DLGAP2: variants seen among roughly 807,000 people sequenced by gnomAD.
DLGAP2 encodes DLG associated protein 2, also known as disks large-associated protein 2.
Under a neutral mutation model 100.3 loss-of-function variants are expected in DLGAP2, and 26 were observed. The observed-to-expected ratio is 0.26, with a 90% CI of 0.19 to 0.36. The LOEUF (loss-of-function observed/expected upper bound fraction) is 0.36. Ranked by LOEUF, DLGAP2 falls within the 10% of genes least tolerant of loss-of-function variation. DLGAP2 has a pLI of 1.00. For synonymous variants in DLGAP2, 886 were observed against 630.1 expected, an observed-to-expected ratio of 1.41 and a Z score of -6.08; for missense variants, 1,858 against 1,453.2, an observed-to-expected ratio of 1.28 and a Z score of -4.53.
At chr8:1,538,596 A>C (rs988886777) in intron 4 of DLGAP2, among the ~76,000 whole-genome samples, 73 of 152,228 alleles carry the variant, frequency 4.8e-4, no homozygotes, top group African/African-American at 1.7e-3. Flanking sequence ...GGAGGGGCTT[A>C]TGTCTCCGTC....
chr8:960,622 C>T (rs1002740627), intron 2 of DLGAP2, among the ~76,000 whole-genome samples: 3 of 152,076 alleles, frequency 2.0e-5, no homozygotes, highest in South Asian at 2.1e-4. Flanking sequence ...ATACAAAGAC[C>T]GTTAATTGAA....
intron 3 of DLGAP2, among the ~76,000 whole-genome samples, chr8:1,414,457 G>A (rs996819769): frequency 5.9e-5 from 9 of 152,346 alleles, no homozygotes; most frequent in African/African-American, 2.2e-4. Flanking sequence ...GAGGCATGGG[G>A]ACATGAGGGA....
At chr8:947,943 C>A (rs1301919335) in intron 2 of DLGAP2, among the ~76,000 whole-genome samples, 1 of 131,596 alleles carries the variant, frequency 7.6e-6, no homozygotes, top group African/African-American at 2.7e-5. Context: ...TGGGTTCCAC[C>A]GACCCCGTGC....
intron 2 of DLGAP2, among the ~76,000 whole-genome samples, chr8:1,140,018 T>C (rs947899711): frequency 3.9e-5 from 6 of 152,148 alleles, no homozygotes; most frequent in South Asian, 4.1e-4. Flanking sequence ...ACATGGCACA[T>C]TTTCATAACA....
rs139094196 is a variant in DLGAP2, at chr8:1,188,449, C to G, written c.74-70402C>G. 5.8e-3 allele frequency among the ~76,000 whole-genome samples: 659 copies of G among 112,874 alleles called. 103 individuals carry two copies. Among genetic ancestry groups the G allele is most frequent in the African/African-American group, 0.038 (630 of 16,466 alleles). The allele number at this position is 112,874 out of a possible 152,430, so 74.0% of individuals were successfully genotyped here. On this transcript the variant is annotated intron_variant, in intron 2 of 14. Coordinates refer to ENST00000637795, the MANE Select transcript of DLGAP2 (RefSeq NM_001346810.2). ...CACGCCCGGGACCTCCGTGACGTTTCCCTCACGGAATCTCGCACGCCCGGG... is the reference window on the plus strand; with the variant it reads ...CACGCCCGGGACCTCCGTGACGTTTGCCTCACGGAATCTCGCACGCCCGGG...
At chr8:975,927 A>AGAT (rs1800151285) in intron 2 of DLGAP2, among the ~76,000 whole-genome samples, 1 of 118,070 alleles carries the variant, frequency 8.5e-6, no homozygotes, top group African/African-American at 3.0e-5. Context: ...TTCACAGATG[A>AGAT]CGTTGTCTGT....
At chr8:1,344,937 G>C (rs1337439729) in intron 3 of DLGAP2, among the ~76,000 whole-genome samples, 1 of 152,208 alleles carries the variant, frequency 6.6e-6, no homozygotes, top group East Asian at 1.9e-4. Context: ...TTGGTGAAGA[G>C]GACTCAACAT....
At chr8:1,229,962 A>G (rs34256117) in intron 2 of DLGAP2, among the ~76,000 whole-genome samples, 17,461 of 152,228 alleles carry the variant, frequency 0.11, 1,339 homozygotes, top group East Asian at 0.37. Context: ...AACTGGAACA[A>G]GACAAGGATG....
Position 940,527 on chromosome 8 carries a change from G to A in DLGAP2, c.73+32561G>A, listed in dbSNP as rs377454749. On this transcript the variant is annotated intron_variant, in intron 2 of 14. Transcript: ENST00000637795. ...GTATTGTGAGGAACATGCAGGAGCTGACCACATCCGTGTCCATGACATGCG... is the reference window on the plus strand; with the variant it reads ...GTATTGTGAGGAACATGCAGGAGCTAACCACATCCGTGTCCATGACATGCG... 4.3e-4 allele frequency among the ~76,000 whole-genome samples: 65 copies of A among 152,276 alleles called. 1 individual carries two copies. In the East Asian group the frequency reaches 8.7e-3, roughly 20 times the overall value.
chr8:883,820 GTGT>G (rs1563078563), intron 1 of DLGAP2, among the ~76,000 whole-genome samples: 1 of 152,200 alleles, frequency 6.6e-6, no homozygotes, highest in African/African-American at 2.4e-5. Context: ...GCCCTGGTGT[GTGT>G]TGTTCCCCTC....
At chr8:983,803 G>A (rs1332579805) in intron 2 of DLGAP2, among the ~76,000 whole-genome samples, 1 of 151,944 alleles carries the variant, frequency 6.6e-6, no homozygotes, top group African/African-American at 2.4e-5. Flanking sequence ...TATGTCACAT[G>A]CCTGGCTAAT....
At chr8:1,413,874 A>G (rs778379594) in intron 3 of DLGAP2, among the ~76,000 whole-genome samples, 2 of 152,242 alleles carry the variant, frequency 1.3e-5, no homozygotes, top group African/African-American at 2.4e-5. Context: ...CACAATGTCA[A>G]TGGCATACTT....
chr8:1,142,567 A>T (rs1005142456), intron 2 of DLGAP2, among the ~76,000 whole-genome samples: 1 of 152,196 alleles, frequency 6.6e-6, no homozygotes, highest in Non-Finnish European at 1.5e-5. Context: ...TGACGTGAAG[A>T]GCTGAAAAGG....
intron 2 of DLGAP2, among the ~76,000 whole-genome samples, chr8:1,249,127 G>A (rs187464897): frequency 6.6e-6 from 1 of 152,276 alleles, no homozygotes; most frequent in East Asian, 1.9e-4. Flanking sequence ...CCCTGGGAGG[G>A]TGGCTGGATT....
At chr8:1,312,740 T>C (rs1251741366) in intron 3 of DLGAP2, among the ~76,000 whole-genome samples, 1 of 152,202 alleles carries the variant, frequency 6.6e-6, no homozygotes, top group Non-Finnish European at 1.5e-5. Flanking sequence ...ACTCAGTTAA[T>C]TAACTTGGAA....
chr8:840,374 G>T (rs566922146), intron 1 of DLGAP2, among the ~76,000 whole-genome samples: 1 of 122,906 alleles, frequency 8.1e-6, no homozygotes. Context: ...ACGCCTGCAC[G>T]TTTCCCTACA....
chr8:1,175,872 C>T (rs754181048), intron 2 of DLGAP2, among the ~76,000 whole-genome samples: 39 of 152,168 alleles, frequency 2.6e-4, no homozygotes, highest in Non-Finnish European at 4.0e-4. Context: ...ACCCTGTGCC[C>T]GTTGTTTATT....
intron 6 of DLGAP2, among the ~76,000 whole-genome samples, chr8:1,610,170 G>GA (rs1796949069): frequency 6.6e-6 from 1 of 152,100 alleles, no homozygotes; most frequent in South Asian, 2.1e-4. Context: ...TGAAAGAACA[G>GA]AAATTATAAC....
In DLGAP2 at chr8:1,495,833, C is replaced by T. The variant is rs116458430; in HGVS notation, c.107-5533C>T. On this transcript the variant is annotated intron_variant, in intron 3 of 14. Coordinates refer to ENST00000637795, the MANE Select transcript of DLGAP2 (RefSeq NM_001346810.2). ...CGATTCACTAATCACCCGGACTCAG[C>T]GCATCTCTATGTTAAATAGCGCGTG... Among the ~76,000 whole-genome samples the T allele has an allele frequency of 7.6e-3, 1,159 of 152,276 alleles. 10 individuals carry two copies. The highest frequency in any genetic ancestry group is 0.027 in the African/African-American group (1,120 of 41,566).
Sources: allele counts gnomAD v4.1 joint callset (sites outside exome capture counted in the v4.1 genomes callset), GRCh38; gene constraint gnomAD v4.1.1; transcripts MANE v1.5; gene names NCBI Gene and HGNC (gene_info 2026-07-23, HGNC 2026-07-21).